RANBP2: variants seen among roughly 807,000 people sequenced by gnomAD.
RANBP2 encodes the protein RAN binding protein 2.
In RANBP2, 57 loss-of-function variants were observed where a neutral mutation model predicts 303.6. The ratio of observed to expected loss-of-function variants is 0.19; its 90% CI spans 0.15 to 0.23. The LOEUF (loss-of-function observed/expected upper bound fraction) is 0.23. Ranked by LOEUF, RANBP2 falls within the 10% of genes least tolerant of loss-of-function variation. The probability of loss-of-function intolerance (pLI) is 1.00; values close to 1 mark genes in which losing one functional copy is unlikely to be tolerated. For synonymous variants in RANBP2, 1,167 were observed against 1,301.5 expected, an observed-to-expected ratio of 0.90 and a Z score of 2.23; for missense variants, 3,138 against 3,780.8, an observed-to-expected ratio of 0.83 and a Z score of 4.46.
the RANBP2 span, among the ~76,000 whole-genome samples, chr2:109,137,519 G>A: frequency 2.6e-5 from 4 of 152,198 alleles, no homozygotes; most frequent in Non-Finnish European, 5.9e-5. Context: ...TGTCCAGCAC[G>A]TTTTCTGAAG....
rs1677083609 is a variant in RANBP2, at chr2:108,765,910, T to C, written c.5371T>C (p.Cys1791Arg). 1.2e-6 allele frequency: 2 copies of C among 1,614,096 alleles called. No individual in the cohort carries two copies. Among genetic ancestry groups the C allele is most frequent in the South Asian group, 1.1e-5 (1 of 91,094 alleles). Residue 1791 changes from cysteine to arginine, a missense_variant, in exon 20 of 29, where the codon TGT (cysteine) becomes CGT (arginine). Around this residue, in one of 20 missense-constraint regions of RANBP2, gnomAD observed 348 missense variants for 360.4 expected, o/e 0.97. Coordinates refer to ENST00000283195, the MANE Select transcript of RANBP2 (RefSeq NM_006267.5). Reference sequence around the variant, plus strand: ...AGGACAGTGGGATTGTAGTGTTTGCTGTGTACAAAATGAGAGTTCTTCCTT... The same window carrying C: ...AGGACAGTGGGATTGTAGTGTTTGCCGTGTACAAAATGAGAGTTCTTCCTT... ...RKGQWDCSVC[C>R]VQNESSSLKC... is the part of the protein sequence containing the mutation.
chr2:109,068,510 G>T, the RANBP2 span, among the ~76,000 whole-genome samples: 9 of 152,208 alleles, frequency 5.9e-5, no homozygotes, highest in Admixed American at 5.9e-4. Flanking sequence ...AGTAAGTGGG[G>T]AACGAACAGA....
intron 7 of RANBP2, among the ~76,000 whole-genome samples, chr2:108,741,482 C>A (rs925161607): frequency 2.1e-5 from 3 of 146,338 alleles, no homozygotes; most frequent in Admixed American, 1.4e-4. Context: ...AGGCGCAAGC[C>A]ACTGCGCCTG....
the RANBP2 span, among the ~76,000 whole-genome samples, chr2:108,918,193 G>A: frequency 6.6e-6 from 1 of 152,204 alleles, no homozygotes; most frequent in Non-Finnish European, 1.5e-5. Flanking sequence ...GGTGGGGCGC[G>A]AGCCCTGGTG....
At chr2:108,906,176 T>C in the RANBP2 span, 2 of 899,662 alleles carry the variant, frequency 2.2e-6, no homozygotes, top group Non-Finnish European at 3.7e-6. Flanking sequence ...CCAGCGGCCA[T>C]TCTGACCAAA....
the RANBP2 span, among the ~76,000 whole-genome samples, chr2:109,730,054 C>T: frequency 3.9e-4 from 60 of 152,258 alleles, no homozygotes; most frequent in African/African-American, 1.4e-3. Flanking sequence ...TCACCTTTCT[C>T]CCTCAACACG....
the RANBP2 span, among the ~76,000 whole-genome samples, chr2:109,341,987 C>T: frequency 7.9e-5 from 12 of 152,304 alleles, no homozygotes; most frequent in South Asian, 2.1e-4. Flanking sequence ...TCTCAGACCC[C>T]GCAGTGCTTG....
chr2:109,583,036 A>T, the RANBP2 span, among the ~76,000 whole-genome samples: 2 of 152,242 alleles, frequency 1.3e-5, no homozygotes, highest in Non-Finnish European at 2.9e-5. Flanking sequence ...CTCAAGATGG[A>T]TTAAAGACTG....
chr2:108,841,806 C>G, the RANBP2 span, among the ~76,000 whole-genome samples: 2 of 151,804 alleles, frequency 1.3e-5, no homozygotes, highest in Admixed American at 1.3e-4. Flanking sequence ...TTTTGTTTCT[C>G]TTTTTCATTT....
At chr2:109,334,930 A>T in the RANBP2 span, among the ~76,000 whole-genome samples, 1 of 152,266 alleles carries the variant, frequency 6.6e-6, no homozygotes, top group South Asian at 2.1e-4. Context: ...GCCTTCCTGG[A>T]AAGGTTCTGC....
intron 19 of RANBP2, among the ~76,000 whole-genome samples, chr2:108,762,817 C>T (rs551304975): frequency 1.3e-5 from 2 of 152,198 alleles, no homozygotes; most frequent in South Asian, 2.1e-4. Flanking sequence ...TCATCATCAT[C>T]ATCATCATCA....
chr2:109,432,279 C>T, the RANBP2 span, among the ~76,000 whole-genome samples: 2 of 152,180 alleles, frequency 1.3e-5, no homozygotes, highest in Non-Finnish European at 2.9e-5. Flanking sequence ...CACACCCCTC[C>T]CCTGCAGGCA....
At chr2:109,345,569 T>C in the RANBP2 span, among the ~76,000 whole-genome samples, 1 of 152,202 alleles carries the variant, frequency 6.6e-6, no homozygotes, top group African/African-American at 2.4e-5. Flanking sequence ...GTGTGCATCT[T>C]GTTGAGGCTG....
At chr2:109,126,382 T>A in the RANBP2 span, among the ~76,000 whole-genome samples, 1 of 152,244 alleles carries the variant, frequency 6.6e-6, no homozygotes, top group African/African-American at 2.4e-5. Flanking sequence ...GGTGAGCTTC[T>A]GGCACGGGCA....
chr2:108,730,680 T>C, intron 2 of RANBP2, 94 bp from the exon 3 acceptor site: 1 of 1,454,664 alleles, frequency 6.9e-7, no homozygotes, highest in Non-Finnish European at 9.6e-7. Context: ...TAAACGAGTT[T>C]AGTGGTTGCT....
chr2:109,515,278 C>T, the RANBP2 span, among the ~76,000 whole-genome samples: 2 of 152,168 alleles, frequency 1.3e-5, no homozygotes, highest in African/African-American at 2.4e-5. Context: ...GTGTGCCCCA[C>T]ATGATTCAGT....
At chr2:109,125,100 T>C in the RANBP2 span, among the ~76,000 whole-genome samples, 146,072 of 152,296 alleles carry the variant, frequency 0.96, 70,303 homozygotes, top group Non-Finnish European at 1. Flanking sequence ...CAGTCAAGTC[T>C]GGGGTTGGCC....
chr2:109,633,764 T>C, the RANBP2 span, among the ~76,000 whole-genome samples: 2 of 152,106 alleles, frequency 1.3e-5, no homozygotes, highest in African/African-American at 4.8e-5. Context: ...TGATTTAGCG[T>C]TGAAATGAGC....
the RANBP2 span, among the ~76,000 whole-genome samples, chr2:108,984,908 C>G: frequency 6.6e-6 from 1 of 152,192 alleles, no homozygotes; most frequent in Non-Finnish European, 1.5e-5. Context: ...TGCCTGCTTC[C>G]TCCTGTGCAT....
Sources: allele counts gnomAD v4.1 joint callset (sites outside exome capture counted in the v4.1 genomes callset), GRCh38; gene constraint gnomAD v4.1.1; regional missense constraint gnomAD v4.1.1; transcripts MANE v1.5; gene names NCBI Gene and HGNC (gene_info 2026-07-23, HGNC 2026-07-21).